Variants in OAF observed in about 807,000 individuals in gnomAD.
The protein encoded by OAF is out at first protein homolog.
Under a neutral mutation model 22.5 loss-of-function variants are expected in OAF, and 13 were observed. That is an observed-to-expected ratio of 0.58 (90% CI 0.38 to 0.92). OAF has a LOEUF of 0.92. OAF is among the 40% of genes least tolerant of loss of function. The pLI is 0.00. For synonymous variants in OAF, 175 were observed against 170.5 expected, an observed-to-expected ratio of 1.03 and a Z score of -0.21; for missense variants, 347 against 381.8, an observed-to-expected ratio of 0.91 and a Z score of 0.76.
At chr11:120,227,693 C>T (rs1234553312) in intron 3 of OAF, among the ~76,000 whole-genome samples, 1 of 152,088 alleles carries the variant, frequency 6.6e-6, no homozygotes, top group South Asian at 2.1e-4. Flanking sequence ...CCCTCAGGTC[C>T]CCTGTGTGGA....
rs973700896 is a variant in OAF, at chr11:120,229,941, A to C, written c.*799A>C. The C allele has an allele frequency of 6.6e-6, 1 of 152,478 alleles. No homozygotes were observed. The highest frequency in any genetic ancestry group is 6.5e-5 in the Admixed American group (1 of 15,286). The allele number at this position is 152,478 out of a possible 1,614,324, so 9.4% of individuals were successfully genotyped here. On this transcript the variant is annotated 3_prime_UTR_variant, in exon 4 of 4. Coordinates refer to ENST00000328965, the MANE Select transcript of OAF (RefSeq NM_178507.4). ...AATAAACGTTTTAAGTTTTTACTTGACTAATGAGACCCAGAGTTTGGAGAA... is the reference window on the plus strand; with the variant it reads ...AATAAACGTTTTAAGTTTTTACTTGCCTAATGAGACCCAGAGTTTGGAGAA...
At chr11:120,226,033 T>A (rs1028681008) in intron 2 of OAF, among the ~76,000 whole-genome samples, 2 of 151,852 alleles carry the variant, frequency 1.3e-5, no homozygotes, top group African/African-American at 4.8e-5. Context: ...CACCCTAGAG[T>A]CCTGAGCCCC....
At chr11:120,225,101 G>A (rs1263914542) in intron 1 of OAF, among the ~76,000 whole-genome samples, 1 of 152,142 alleles carries the variant, frequency 6.6e-6, no homozygotes, top group Non-Finnish European at 1.5e-5. Flanking sequence ...GGCTGCAACA[G>A]CTGCAGCCAG....
In OAF at chr11:120,228,148, G is replaced by A. The variant is rs543426815; in HGVS notation, c.548-720G>A. On this transcript the variant is annotated intron_variant, in intron 3 of 3. Transcript: ENST00000328965. The stretch of plus-strand genomic sequence containing the variant: ...CCCCCAGGCTGGAGTGCAATGGCAC[G>A]ATCTCGGCTCACTGCAACCTCCGCC... Among the ~76,000 whole-genome samples the A allele has an allele frequency of 1.5e-4, 22 of 151,518 alleles. No individual in the cohort carries two copies. In the South Asian group the frequency reaches 3.8e-3, roughly 26 times the overall value.
In OAF at chr11:120,225,736, G is replaced by A. The variant is rs752417239; in HGVS notation, c.307G>A (p.Val103Ile). 93 of 1,606,136 alleles carry A rather than the reference G, an allele frequency of 5.8e-5. No homozygotes were observed. Among genetic ancestry groups the A allele is most frequent in the Non-Finnish European group, 7.6e-5 (89 of 1,176,516 alleles). Residue 103 changes from valine (V) to isoleucine (I), a missense_variant, in exon 2 of 4, where the codon GTC becomes ATC. Coordinates refer to ENST00000328965, the MANE Select transcript of OAF (RefSeq NM_178507.4). ...GQSQFQALCF[V>I]TQLQHNEIIP... ...GAGTCAGTTCCAGGCCCTCTGCTTT[G>A]TCACCCAGCTGCAGCACAATGAGAT...
chr11:120,221,848 T>C (rs957540009), intron 1 of OAF, among the ~76,000 whole-genome samples: 1 of 152,216 alleles, frequency 6.6e-6, no homozygotes, highest in Non-Finnish European at 1.5e-5. Flanking sequence ...TCCTGGAAGC[T>C]TGTGGGAGAA....
At chr11:120,226,499 C>G (rs1036948096) in intron 2 of OAF, among the ~76,000 whole-genome samples, 1 of 152,208 alleles carries the variant, frequency 6.6e-6, no homozygotes, top group African/African-American at 2.4e-5. Context: ...GGTCATATGC[C>G]CTGGCACAGC....
chr11:120,219,525 G>C (rs1287666020), intron 1 of OAF, among the ~76,000 whole-genome samples: 5 of 152,180 alleles, frequency 3.3e-5, no homozygotes, highest in African/African-American at 7.2e-5. Flanking sequence ...CCTCAGTGCT[G>C]AGCACAGGAT....
At position 120,228,994 on chromosome 11, in the gene OAF, A is replaced by G; in HGVS notation, c.674A>G (p.Tyr225Cys). The G allele has an allele frequency of 6.2e-7, 1 of 1,613,292 alleles. No homozygotes were observed. Among genetic ancestry groups the G allele is most frequent in the Non-Finnish European group, 8.5e-7 (1 of 1,179,968 alleles). ...CGCTATGGCCTGAGCCTGGCCTGGT[A>G]CCCCTGCATGCTCAAGTACTGCCAC... ...VCRYGLSLAW[Y>C]PCMLKYCHSR... is the part of the protein sequence containing the mutation. The change falls in exon 4 of 4, where the codon TAC (tyrosine) becomes TGC (cysteine). Residue 225 changes from tyrosine to cysteine, a missense_variant. Transcript: ENST00000328965.
chr11:120,225,355 G>T (rs1250261519), intron 1 of OAF, among the ~76,000 whole-genome samples: 1 of 152,134 alleles, frequency 6.6e-6, no homozygotes, highest in Non-Finnish European at 1.5e-5. Context: ...GGTGCCTGTA[G>T]AGGCCCTGAC....
intron 1 of OAF, among the ~76,000 whole-genome samples, chr11:120,222,652 G>A (rs187393185): frequency 1.3e-3 from 193 of 151,584 alleles, no homozygotes; most frequent in African/African-American, 4.4e-3. Context: ...AGTGGCTCAC[G>A]CCTGTAATCC....
At chr11:120,218,695 C>T (rs547679563) in intron 1 of OAF, among the ~76,000 whole-genome samples, 86 of 152,138 alleles carry the variant, frequency 5.7e-4, no homozygotes, top group Non-Finnish European at 9.3e-4. Flanking sequence ...GGCCCTAGAG[C>T]GATGACCTGC....
At chr11:120,221,004 C>CT (rs1938274368) in intron 1 of OAF, among the ~76,000 whole-genome samples, 1 of 152,194 alleles carries the variant, frequency 6.6e-6, no homozygotes, top group Non-Finnish European at 1.5e-5. Context: ...GCCCTCCATC[C>CT]TTTAACTGTC....
At chr11:120,228,821 T>TACCAACCCAACCAC in intron 3 of OAF, 47 bp from the exon 4 acceptor site, 1 of 520,280 alleles carries the variant, frequency 1.9e-6, no homozygotes. Flanking sequence ...GGGAGCTCCT[T>TACCAACCCAACCAC]CCCTCCCTCC....
chr11:120,228,788 G>A, intron 3 of OAF, 80 bp from the exon 4 acceptor site: 3 of 1,131,168 alleles, frequency 2.7e-6, no homozygotes, highest in Non-Finnish European at 3.8e-6. Context: ...ACCAAGTGGG[G>A]AATGGCAGCG....
chr11:120,221,578 T>C (rs1459727813), intron 1 of OAF, among the ~76,000 whole-genome samples: 1 of 152,220 alleles, frequency 6.6e-6, no homozygotes, highest in East Asian at 1.9e-4. Context: ...GAAACTATGG[T>C]ACAGAGAGGT....
intron 1 of OAF, among the ~76,000 whole-genome samples, chr11:120,219,225 G>A (rs547906213): frequency 1.3e-5 from 2 of 152,104 alleles, no homozygotes; most frequent in African/African-American, 2.4e-5. Context: ...CACCCCTGTG[G>A]AGGGAATGGG....
At chr11:120,215,208 G>T (rs1015381996) in intron 1 of OAF, among the ~76,000 whole-genome samples, 1 of 152,148 alleles carries the variant, frequency 6.6e-6, no homozygotes, top group Admixed American at 6.6e-5. Flanking sequence ...AAAAAAATTA[G>T]CTGGGCATGG....
In OAF at chr11:120,219,574, C is replaced by G. The variant is rs1209579869; in HGVS notation, c.232-6087C>G. ...TGCTCTGCCGTCTCTCAGCGCATTC[C>G]CCCAGTGCAGCTGAACCAGAGCAGC... is the stretch of plus-strand genomic sequence containing the variant. On this transcript the variant is annotated intron_variant, in intron 1 of 3. Coordinates refer to ENST00000328965, the MANE Select transcript of OAF (RefSeq NM_178507.4). 2.0e-5 allele frequency among the ~76,000 whole-genome samples: 3 copies of G among 152,300 alleles called. No homozygotes were observed. The East Asian group carries it at 5.8e-4, about 29-fold the overall frequency.
Sources: allele counts gnomAD v4.1 joint callset (sites outside exome capture counted in the v4.1 genomes callset), GRCh38; gene constraint gnomAD v4.1.1; transcripts MANE v1.5; gene names NCBI Gene and HGNC (gene_info 2026-07-23, HGNC 2026-07-21).